Variants in KIAA1217 observed in about 807,000 individuals in gnomAD.
KIAA1217 encodes the protein sickle tail protein homolog.
KIAA1217 carries 88 observed loss-of-function variants against 163.9 expected under a neutral mutation model. That is an observed-to-expected ratio of 0.54 (90% confidence interval 0.45 to 0.64). The LOEUF (loss-of-function observed/expected upper bound fraction) is 0.64, where lower values mean the gene tolerates loss of function less well. KIAA1217 is among the 30% of genes least tolerant of loss of function. KIAA1217 has a pLI of 0.00. For missense variants in KIAA1217, 2,372 were observed against 2,475.0 expected (o/e 0.96, Z 0.88); for synonymous variants, 903 against 923.1 (o/e 0.98, Z 0.39).
chr10:24,214,869 C>G (rs905783017), intron 1 of KIAA1217, among the ~76,000 whole-genome samples: 14 of 152,336 alleles, frequency 9.2e-5, no homozygotes, highest in African/African-American at 3.1e-4. Flanking sequence ...GTTGCTGGCT[C>G]TGGAGCAGGT....
chr10:24,194,378 C>T (rs906711967), intron 2 of KIAA1217, among the ~76,000 whole-genome samples: 5 of 132,184 alleles, frequency 3.8e-5, no homozygotes, highest in Non-Finnish European at 3.2e-5. Flanking sequence ...TTCCTTCCTT[C>T]CCCTTGCTAT....
chr10:24,172,921 A>C (rs2065699599), intron 2 of KIAA1217, among the ~76,000 whole-genome samples: 1 of 152,192 alleles, frequency 6.6e-6, no homozygotes, highest in Admixed American at 6.5e-5. Flanking sequence ...CAGAATTATA[A>C]GTTTCAATGA....
At chr10:24,020,722 C>A (rs1847695551) in intron 2 of KIAA1217, among the ~76,000 whole-genome samples, 1 of 151,868 alleles carries the variant, frequency 6.6e-6, no homozygotes. Context: ...CAGGGATGAT[C>A]CCTAGGAAGC....
intron 1 of KIAA1217, among the ~76,000 whole-genome samples, chr10:23,805,126 G>A (rs934496267): frequency 6.6e-6 from 1 of 152,080 alleles, no homozygotes; most frequent in African/African-American, 2.4e-5. Context: ...AAATACTAAA[G>A]ACAGAAATAC....
chr10:24,431,806 A>T (rs1159711997), intron 3 of KIAA1217, among the ~76,000 whole-genome samples: 2 of 152,194 alleles, frequency 1.3e-5, no homozygotes, highest in Admixed American at 1.3e-4. Context: ...GGTGAGTGCT[A>T]GGAGGCAGGG....
chr10:24,280,809 C>CAAAA (rs71281596), intron 2 of KIAA1217, among the ~76,000 whole-genome samples: 1 of 106,266 alleles, frequency 9.4e-6, no homozygotes, highest in African/African-American at 3.6e-5. Flanking sequence ...GACTCCGTCT[C>CAAAA]AAAAAAAAAA....
chr10:24,503,457 G>A lies in KIAA1217; in HGVS notation c.2001+1912G>A, dbSNP rs1259005967. ...AAGTGTACGGGTTGGGCTGGGTTGTGTCAGGGGGTGACAAAGTCACATGTC... is the reference window on the plus strand; with the variant it reads ...AAGTGTACGGGTTGGGCTGGGTTGTATCAGGGGGTGACAAAGTCACATGTC... On this transcript the variant is annotated intron_variant, in intron 9 of 20. Coordinates refer to ENST00000376454, the MANE Select transcript of KIAA1217 (RefSeq NM_019590.5). Among the ~76,000 whole-genome samples, 4 of 152,340 alleles carry A rather than the reference G, an allele frequency of 2.6e-5. No individual in the cohort carries two copies. The East Asian group carries it at 7.7e-4, about 29-fold the overall frequency.
chr10:24,500,813 TG>T (rs2067478078), intron 8 of KIAA1217, among the ~76,000 whole-genome samples: 2 of 152,184 alleles, frequency 1.3e-5, no homozygotes, highest in South Asian at 4.1e-4. Context: ...CCAAGTGCGG[TG>T]GTTCACGCCT....
intron 2 of KIAA1217, among the ~76,000 whole-genome samples, chr10:24,256,825 A>T (rs34001129): frequency 0.28 from 42,072 of 152,068 alleles, 6,417 homozygotes; most frequent in Non-Finnish European, 0.35. Context: ...TTGAGCCAGC[A>T]GCCAAAGAAA....
chr10:24,187,066 T>C (rs1275269642), intron 2 of KIAA1217, among the ~76,000 whole-genome samples: 1 of 152,182 alleles, frequency 6.6e-6, no homozygotes, highest in Non-Finnish European at 1.5e-5. Flanking sequence ...ATGGTTTTAT[T>C]GATCTGCCTT....
chr10:23,863,828 A>T (rs1840061804), intron 1 of KIAA1217, among the ~76,000 whole-genome samples: 1 of 152,116 alleles, frequency 6.6e-6, no homozygotes. Context: ...ACATGTACAC[A>T]TACACACACA....
intron 2 of KIAA1217, among the ~76,000 whole-genome samples, chr10:24,184,790 A>AT (rs1432225333): frequency 1.3e-5 from 2 of 152,144 alleles, no homozygotes; most frequent in African/African-American, 4.8e-5. Context: ...TTTCTGCCAG[A>AT]TTTTTGGCTC....
intron 1 of KIAA1217, among the ~76,000 whole-genome samples, chr10:23,712,288 G>A (rs1588644720): frequency 6.6e-6 from 1 of 151,934 alleles, no homozygotes; most frequent in Non-Finnish European, 1.5e-5. Context: ...CCCCTCACCT[G>A]CATTCCCCTC....
At chr10:24,311,361 C>T (rs2042673334) in intron 2 of KIAA1217, among the ~76,000 whole-genome samples, 1 of 152,144 alleles carries the variant, frequency 6.6e-6, no homozygotes, top group African/African-American at 2.4e-5. Context: ...GTGAACGGGT[C>T]CTCGCTGGGC....
intron 2 of KIAA1217, among the ~76,000 whole-genome samples, chr10:24,329,829 T>C (rs2045427933): frequency 6.6e-6 from 1 of 152,050 alleles, no homozygotes; most frequent in Non-Finnish European, 1.5e-5. Flanking sequence ...AGCAAAGAAA[T>C]CATAATGGAA....
At chr10:24,368,985 C>T (rs2051183290) in intron 2 of KIAA1217, 1 of 427,848 alleles carries the variant, frequency 2.3e-6, no homozygotes, top group Non-Finnish European at 3.1e-6. Flanking sequence ...AGAAAGGTTT[C>T]ATATGGAGTT....
chr10:23,913,196 C>T (rs766245007), intron 1 of KIAA1217, among the ~76,000 whole-genome samples: 14 of 152,094 alleles, frequency 9.2e-5, no homozygotes, highest in Non-Finnish European at 1.6e-4. Flanking sequence ...AGAATTCCCC[C>T]AGGGGCTGCA....
At chr10:24,079,794 G>C (rs2061482855) in intron 2 of KIAA1217, among the ~76,000 whole-genome samples, 1 of 152,108 alleles carries the variant, frequency 6.6e-6, no homozygotes, top group Non-Finnish European at 1.5e-5. Flanking sequence ...AGCAAAATTT[G>C]CATCCCCAAG....
At chr10:23,790,319 GCA>G (rs368583276) in intron 1 of KIAA1217, among the ~76,000 whole-genome samples, 238 of 11,874 alleles carry the variant, frequency 0.02, 25 homozygotes, top group South Asian at 0.05. Context: ...ATATACATAT[GCA>G]CATATGCATA....
Sources: allele counts gnomAD v4.1 joint callset (sites outside exome capture counted in the v4.1 genomes callset), GRCh38; gene constraint gnomAD v4.1.1; transcripts MANE v1.5; gene names NCBI Gene and HGNC (gene_info 2026-07-23, HGNC 2026-07-21).